Variants in WDPCP observed in about 807,000 individuals in gnomAD.
WDPCP encodes WD repeat containing planar cell polarity effector.
WDPCP carries 71 observed loss-of-function variants against 93.1 expected under a neutral mutation model. That is an observed-to-expected ratio of 0.76 (90% CI 0.63 to 0.93). The LOEUF (loss-of-function observed/expected upper bound fraction) is 0.93. WDPCP is among the 40% of genes least tolerant of loss of function. The probability of loss-of-function intolerance (pLI) is 0.00; values close to 1 mark genes in which losing one functional copy is unlikely to be tolerated. For synonymous variants in WDPCP, 315 were observed against 315.0 expected (o/e 1.00, Z 0.00); for missense variants, 844 against 887.4 (o/e 0.95, Z 0.62).
intron 2 of WDPCP, among the ~76,000 whole-genome samples, chr2:63,775,250 A>G (rs1670284916): frequency 6.6e-6 from 1 of 152,192 alleles, no homozygotes; most frequent in Non-Finnish European, 1.5e-5. Context: ...TCTTGCATCA[A>G]TTTAGATCAG....
intron 1 of WDPCP, among the ~76,000 whole-genome samples, chr2:63,566,150 C>A (rs902655766): frequency 2.6e-5 from 4 of 152,078 alleles, no homozygotes; most frequent in Non-Finnish European, 5.9e-5. Flanking sequence ...TGTTTTTATA[C>A]GTCTGTGAAA....
At chr2:63,298,929 C>T (rs1327181618) in intron 13 of WDPCP, among the ~76,000 whole-genome samples, 1 of 152,082 alleles carries the variant, frequency 6.6e-6, no homozygotes, top group Non-Finnish European at 1.5e-5. Context: ...GTATGTGGTC[C>T]CCAATGTCCT....
intron 2 of WDPCP, among the ~76,000 whole-genome samples, chr2:63,709,968 T>C (rs1669235479): frequency 6.6e-6 from 1 of 152,212 alleles, no homozygotes; most frequent in African/African-American, 2.4e-5. Context: ...CTAATTGTAG[T>C]ATCCTTACAC....
chr2:63,561,487 TA>T (rs35144678), intron 1 of WDPCP, among the ~76,000 whole-genome samples: 146 of 138,860 alleles, frequency 1.1e-3, no homozygotes, highest in South Asian at 2.9e-3. Flanking sequence ...AAATAATAAT[TA>T]AAAAAAAAAA....
chr2:63,493,068 A>G, intron 1 of WDPCP, 128 bp from the exon 2 acceptor site: 1 of 797,048 alleles, frequency 1.3e-6, no homozygotes, highest in Non-Finnish European at 2.1e-6. Context: ...GCCCATTAGA[A>G]TAAACATACT....
At chr2:63,434,255 G>C (rs1696981601) in intron 8 of WDPCP, among the ~76,000 whole-genome samples, 1 of 152,148 alleles carries the variant, frequency 6.6e-6, no homozygotes, top group Non-Finnish European at 1.5e-5. Flanking sequence ...CTACACATAT[G>C]ATTTAGGACC....
chr2:63,725,037 GT>G (rs919723677), intron 2 of WDPCP, among the ~76,000 whole-genome samples: 2 of 152,004 alleles, frequency 1.3e-5, no homozygotes, highest in African/African-American at 2.4e-5. Flanking sequence ...AAAGCAGCCA[GT>G]TTTTTTTCTT....
At chr2:63,144,311 C>T (rs915938672) in intron 17 of WDPCP, among the ~76,000 whole-genome samples, 17 of 150,650 alleles carry the variant, frequency 1.1e-4, no homozygotes, top group African/African-American at 3.5e-4. Context: ...GACGGAGTCT[C>T]GCCCTGTCAC....
chr2:63,452,988 C>T (rs2105666556), intron 6 of WDPCP, among the ~76,000 whole-genome samples: 1 of 152,280 alleles, frequency 6.6e-6, no homozygotes, highest in South Asian at 2.1e-4. Flanking sequence ...ACCATAAAAA[C>T]CCTAGAAGAA....
intron 6 of WDPCP, among the ~76,000 whole-genome samples, chr2:63,452,508 C>A (rs190764624): frequency 6.6e-6 from 1 of 152,216 alleles, no homozygotes; most frequent in East Asian, 1.9e-4. Flanking sequence ...GTGAAAATGG[C>A]CATACTGCCC....
intron 2 of WDPCP, among the ~76,000 whole-genome samples, chr2:63,788,684 A>G (rs2103994863): frequency 6.6e-6 from 1 of 152,378 alleles, no homozygotes; most frequent in Non-Finnish European, 1.5e-5. Context: ...TTAAAAAAAG[A>G]AATAAATCAA....
At chr2:63,442,871 T>A (rs1697592278) in intron 6 of WDPCP, 1 of 152,186 alleles carries the variant, frequency 6.6e-6, no homozygotes, top group Non-Finnish European at 1.5e-5. Context: ...CCCACTTTTA[T>A]GAGATGAAGA....
chr2:63,500,452 G>GTGTGTGTGTGTGTGT (rs1553412910), intron 1 of WDPCP, among the ~76,000 whole-genome samples: 6 of 22,314 alleles, frequency 2.7e-4, no homozygotes, highest in Admixed American at 1.0e-3. Context: ...AAATGGTGTG[G>GTGTGTGTGTGTGTGT]GGGTGTGTGT....
At chr2:63,337,086 G>T (rs1320194348) in intron 12 of WDPCP, among the ~76,000 whole-genome samples, 5 of 151,948 alleles carry the variant, frequency 3.3e-5, no homozygotes, top group Non-Finnish European at 7.4e-5. Flanking sequence ...TAGAGATGGG[G>T]TTTTACCATG....
rs1297288582 is a variant in WDPCP, at chr2:63,616,553, GA to G, written n.488+34105del. On this transcript the variant is annotated intron_variant and non_coding_transcript_variant, in intron 3 of 4. Transcript: ENST00000467687. ...TCCTTTACTCTATAGCATAAAATAA[GA>G]AATATAAAACAAAAACGAAATAATT... 5.3e-5 allele frequency among the ~76,000 whole-genome samples: 8 copies of G among 152,194 alleles called. No individual in the cohort carries two copies. In the South Asian group the frequency reaches 1.7e-3, roughly 32 times the overall value.
chr2:63,338,982 T>C (rs910255443), intron 12 of WDPCP, among the ~76,000 whole-genome samples: 9 of 152,180 alleles, frequency 5.9e-5, no homozygotes, highest in African/African-American at 2.2e-4. Flanking sequence ...ATTGTGATTT[T>C]AACTATATTA....
At chr2:63,538,557 A>T (rs1704486003) in intron 1 of WDPCP, among the ~76,000 whole-genome samples, 1 of 152,200 alleles carries the variant, frequency 6.6e-6, no homozygotes, top group Non-Finnish European at 1.5e-5. Flanking sequence ...GATGATTTCC[A>T]TATCCTAACT....
chr2:63,125,507 G>A (rs932448531), intron 17 of WDPCP, among the ~76,000 whole-genome samples: 22 of 152,190 alleles, frequency 1.4e-4, no homozygotes, highest in Non-Finnish European at 2.4e-4. Flanking sequence ...TCTCCATGCT[G>A]GCCTAAAACT....
chr2:63,280,485 G>A (rs192309936), intron 13 of WDPCP, among the ~76,000 whole-genome samples: 75 of 151,990 alleles, frequency 4.9e-4, no homozygotes, highest in Admixed American at 1.4e-3. Flanking sequence ...ATTTGGGTGG[G>A]GACACAGCCA....
Sources: gnomAD v4.1 joint callset for allele counts (sites outside exome capture counted in the v4.1 genomes callset) on GRCh38, gnomAD v4.1.1 for gene constraint, MANE v1.5 for transcripts, NCBI Gene and HGNC (gene_info 2026-07-23, HGNC 2026-07-21) for gene names.